The following ICA1 variants were observed in gnomAD, a reference collection of about 807,000 sequenced individuals.
ICA1 encodes islet cell autoantigen 1, also known as 69 kDa islet cell autoantigen.
In ICA1, 40 loss-of-function variants were observed where a neutral mutation model predicts 71.0. That is an observed-to-expected ratio of 0.56 (90% CI 0.44 to 0.73). ICA1 has a LOEUF of 0.73. ICA1 is among the 30% of genes least tolerant of loss of function. ICA1 has a pLI of 0.00. For missense variants in ICA1, 578 were observed against 576.5 expected (o/e 1.00, Z -0.03); for synonymous variants, 207 against 209.5 (o/e 0.99, Z 0.10).
At chr7:8,183,438 G>C (rs1782876506) in intron 6 of ICA1, among the ~76,000 whole-genome samples, 1 of 152,194 alleles carries the variant, frequency 6.6e-6, no homozygotes, top group Non-Finnish European at 1.5e-5. Flanking sequence ...GTATATGTTA[G>C]AGGGAGATAT....
intron 6 of ICA1, among the ~76,000 whole-genome samples, chr7:8,186,423 G>A (rs1182340017): frequency 6.6e-6 from 1 of 152,202 alleles, no homozygotes; most frequent in Non-Finnish European, 1.5e-5. Flanking sequence ...GTGTGGTTCT[G>A]AACGACAGGC....
chr7:8,132,843 T>G lies in ICA1; in HGVS notation c.1061-4701A>C, dbSNP rs6957293. Among the ~76,000 whole-genome samples, 4,304 of 152,344 alleles carry G rather than the reference T, an allele frequency of 0.028. 80 individuals are homozygous for G. The highest frequency in any genetic ancestry group is 0.044 in the Non-Finnish European group (2,961 of 68,028). On this transcript the variant is annotated intron_variant, in intron 12 of 13. Coordinates refer to ENST00000402384, the MANE Select transcript of ICA1 (RefSeq NM_001136020.3). The surrounding 1 kb of genome is among the most constrained non-coding windows in gnomAD (Gnocchi z 4.5). ...ATTCCAAGTTCTTTCTGGAACTCCA[T>G]TTGCAAATTCCTGTCTGGGAGCCCT...
chr7:8,183,114 C>A (rs1782729279), intron 6 of ICA1, among the ~76,000 whole-genome samples: 1 of 152,150 alleles, frequency 6.6e-6, no homozygotes, highest in African/African-American at 2.4e-5. Flanking sequence ...ACTAAATAGA[C>A]CGATTTACAA....
At chr7:8,249,592 T>C (rs1807437785) in intron 1 of ICA1, among the ~76,000 whole-genome samples, 1 of 152,242 alleles carries the variant, frequency 6.6e-6, no homozygotes, top group Admixed American at 6.5e-5. Flanking sequence ...TATTGGAAGC[T>C]GGTGACATGT....
At chr7:8,134,807 A>G (rs1792786578) in intron 12 of ICA1, among the ~76,000 whole-genome samples, 1 of 152,040 alleles carries the variant, frequency 6.6e-6, no homozygotes, top group Admixed American at 6.5e-5. Context: ...GAACAGAGAG[A>G]GGAAAAACAA....
At chr7:8,215,614 A>G (rs1036495321) in intron 6 of ICA1, among the ~76,000 whole-genome samples, 1 of 152,242 alleles carries the variant, frequency 6.6e-6, no homozygotes, top group African/African-American at 2.4e-5. Context: ...CCCAGCTTCA[A>G]TATCATTTGT....
intron 1 of ICA1, among the ~76,000 whole-genome samples, chr7:8,243,109 A>T (rs1198398986): frequency 6.6e-6 from 1 of 152,206 alleles, no homozygotes; most frequent in African/African-American, 2.4e-5. Flanking sequence ...CAGAGACACA[A>T]CAAAAAAAGG....
chr7:8,206,177 C>T (rs555838986), intron 6 of ICA1, among the ~76,000 whole-genome samples: 5 of 152,192 alleles, frequency 3.3e-5, no homozygotes, highest in Non-Finnish European at 7.3e-5. Flanking sequence ...TTGAAGTTCT[C>T]CTAGAACAGT....
intron 6 of ICA1, among the ~76,000 whole-genome samples, chr7:8,172,995 G>A (rs541557821): frequency 3.3e-5 from 5 of 152,244 alleles, no homozygotes; most frequent in African/African-American, 1.2e-4. Context: ...AAATATCACT[G>A]ACAACGGAGG....
At chr7:8,142,151 A>G (rs1795467914) in intron 9 of ICA1, 3 of 530,228 alleles carry the variant, frequency 5.7e-6, no homozygotes, top group African/African-American at 2.0e-5. Context: ...AAAAATATCA[A>G]TCAGAATCCA....
intron 1 of ICA1, among the ~76,000 whole-genome samples, chr7:8,251,447 G>A (rs900643831): frequency 3.4e-5 from 5 of 147,640 alleles, no homozygotes; most frequent in South Asian, 2.3e-4. Context: ...AGTAGACTAG[G>A]CAAGTGGCCA....
intron 4 of ICA1, chr7:8,227,838 G>T: frequency 2.2e-6 from 1 of 448,166 alleles, no homozygotes; most frequent in Non-Finnish European, 4.5e-6. Flanking sequence ...CTCCTGCCTT[G>T]GCCTCCTAAA....
intron 8 of ICA1, among the ~76,000 whole-genome samples, chr7:8,149,979 T>TA (rs529827725): frequency 2.7e-4 from 41 of 152,328 alleles, no homozygotes; most frequent in African/African-American, 8.4e-4. Flanking sequence ...TACAAATTTA[T>TA]AAAGACACTA....
chr7:8,193,707 A>G (rs1786469529), intron 6 of ICA1, among the ~76,000 whole-genome samples: 1 of 152,232 alleles, frequency 6.6e-6, no homozygotes, highest in African/African-American at 2.4e-5. Flanking sequence ...TATGACATGA[A>G]AAAAACTGTC....
At chr7:8,236,051 T>G in intron 1 of ICA1, 46 bp from the exon 2 acceptor site, 1 of 1,013,160 alleles carries the variant, frequency 9.9e-7, no homozygotes, top group African/African-American at 1.6e-5. Flanking sequence ...CATATTATAG[T>G]TACATATTAA....
intron 4 of ICA1, 138 bp downstream of exon 4, chr7:8,228,463 A>G (rs554948004): frequency 2.0e-6 from 1 of 490,958 alleles, no homozygotes; most frequent in East Asian, 3.3e-5. Flanking sequence ...TGGTAAAATT[A>G]TTAGAGACTC....
intron 6 of ICA1, among the ~76,000 whole-genome samples, chr7:8,176,651 G>A (rs1780725980): frequency 6.6e-6 from 1 of 152,188 alleles, no homozygotes; most frequent in South Asian, 2.1e-4. Flanking sequence ...CTCAGGCCTT[G>A]CTTTTCCCAC....
chr7:8,216,768 AT>A (rs1795544961), intron 6 of ICA1, among the ~76,000 whole-genome samples: 1 of 152,216 alleles, frequency 6.6e-6, no homozygotes, highest in South Asian at 2.1e-4. Context: ...AATTATGTGT[AT>A]TTTGAATGAT....
At position 8,158,668 on chromosome 7, in the gene ICA1, G is replaced by C; in HGVS notation, c.580-16C>G. The stretch of plus-strand genomic sequence containing the variant: ...GTGTTTGTACCTATGAAAATAAAGA[G>C]GAATTTCTGAATCACCCTAACCCTT... On this transcript the variant is annotated splice_polypyrimidine_tract_variant and intron_variant, in intron 6 of 13. Transcript: ENST00000402384. The C allele has an allele frequency of 3.1e-6, 5 of 1,613,276 alleles. No individual in the cohort carries two copies. Among genetic ancestry groups the C allele is most frequent in the Non-Finnish European group, 4.2e-6 (5 of 1,179,674 alleles).
Sources: gnomAD v4.1 joint callset for allele counts (sites outside exome capture counted in the v4.1 genomes callset) on GRCh38, gnomAD v4.1.1 for gene constraint, Gnocchi (gnomAD v3.1) non-coding constraint, MANE v1.5 for transcripts, NCBI Gene and HGNC (gene_info 2026-07-23, HGNC 2026-07-21) for gene names.